ADARB2: variants seen among roughly 807,000 people sequenced by gnomAD.
ADARB2 encodes inactive double-stranded RNA-specific editase B2.
Under a neutral mutation model 62.2 loss-of-function variants are expected in ADARB2, and 25 were observed. The observed-to-expected ratio is 0.40, with a 90% CI of 0.29 to 0.56. The LOEUF is 0.56. Among genes scored for constraint, ADARB2 ranks in the 20% least tolerant of loss-of-function variants. ADARB2 has a pLI of 0.43. For synonymous variants in ADARB2, 572 were observed against 500.8 expected (o/e 1.14, Z -1.90); for missense variants, 1,071 against 1,077.4 (o/e 0.99, Z 0.08).
At chr10:1,325,546 T>C (rs1831836844) in intron 3 of ADARB2, among the ~76,000 whole-genome samples, 2 of 152,194 alleles carry the variant, frequency 1.3e-5, no homozygotes, top group Non-Finnish European at 2.9e-5. Context: ...GGAAGCTGAC[T>C]TCCTCCATAT....
At position 1,426,920 on chromosome 10, in the gene ADARB2, C is replaced by A. The variant is rs1279386553; in HGVS notation, c.101-47760G>T. 6.6e-6 allele frequency among the ~76,000 whole-genome samples: 1 copy of A among 152,270 alleles called. No individual in the cohort carries two copies. The highest frequency in any genetic ancestry group is 1.5e-5 in the Non-Finnish European group (1 of 68,052). Reference sequence around the variant, plus strand: ...AAGCAGTTGTGAAAGAGCCGGAGGACCCCTGTCCCCAAACCCTGCCCATCG... The same window carrying A: ...AAGCAGTTGTGAAAGAGCCGGAGGAACCCTGTCCCCAAACCCTGCCCATCG... On this transcript the variant is annotated intron_variant, in intron 1 of 9. Coordinates refer to ENST00000381312, the MANE Select transcript of ADARB2 (RefSeq NM_018702.4). This position sits in a 1 kb window ranked among gnomAD's most constrained non-coding sequence, Gnocchi z 4.1.
In ADARB2 at chr10:1,391,728, A is replaced by T. The variant is rs544888121; in HGVS notation, c.101-12568T>A. 2.0e-5 allele frequency among the ~76,000 whole-genome samples: 3 copies of T among 151,416 alleles called. No individual in the cohort carries two copies. In the South Asian group the frequency reaches 6.3e-4, roughly 32 times the overall value. On this transcript the variant is annotated intron_variant, in intron 1 of 9. Transcript: ENST00000381312. ...TTGGCTGGAAGTTTCAATAAAAATGATAATAAAATGATAACTGCCAGGATG... is the reference window on the plus strand; with the variant it reads ...TTGGCTGGAAGTTTCAATAAAAATGTTAATAAAATGATAACTGCCAGGATG...
intron 1 of ADARB2, among the ~76,000 whole-genome samples, chr10:1,608,879 C>T (rs1398345014): frequency 6.6e-6 from 1 of 152,070 alleles, no homozygotes; most frequent in African/African-American, 2.4e-5. Context: ...GCATTTCCCT[C>T]CGCATTGCCG....
chr10:1,414,681 T>C (rs1431752691), intron 1 of ADARB2, among the ~76,000 whole-genome samples: 1 of 152,222 alleles, frequency 6.6e-6, no homozygotes, highest in Non-Finnish European at 1.5e-5. Flanking sequence ...GCTTGGGGCC[T>C]TTGCAGCCTC....
intron 1 of ADARB2, among the ~76,000 whole-genome samples, chr10:1,657,512 G>C (rs148524822): frequency 1.5e-3 from 230 of 152,184 alleles, no homozygotes; most frequent in African/African-American, 5.3e-3. Context: ...ACAGATTATG[G>C]AGATAATGCA....
At chr10:1,507,395 C>G (rs1343563833) in intron 1 of ADARB2, among the ~76,000 whole-genome samples, 1 of 152,236 alleles carries the variant, frequency 6.6e-6, no homozygotes, top group African/African-American at 2.4e-5. Context: ...TGCACCTGCC[C>G]CCTTCACCAG....
chr10:1,589,579 G>C (rs1299790879), intron 1 of ADARB2, among the ~76,000 whole-genome samples: 1 of 152,234 alleles, frequency 6.6e-6, no homozygotes, highest in Non-Finnish European at 1.5e-5. Flanking sequence ...CCGCCTCTTT[G>C]GCCTATGCTT....
At chr10:1,430,194 G>C (rs182632977) in intron 1 of ADARB2, among the ~76,000 whole-genome samples, 1 of 152,308 alleles carries the variant, frequency 6.6e-6, no homozygotes, top group Non-Finnish European at 1.5e-5. Flanking sequence ...GTGCAGTGTA[G>C]TTGCATACTG....
At chr10:1,273,452 G>A (rs1004520550) in intron 3 of ADARB2, among the ~76,000 whole-genome samples, 27 of 152,116 alleles carry the variant, frequency 1.8e-4, no homozygotes, top group African/African-American at 6.5e-4. Context: ...CTTCCTTGGT[G>A]CCCAAATCAC....
intron 4 of ADARB2, among the ~76,000 whole-genome samples, chr10:1,262,446 TCAAA>T (rs973196124): frequency 1.8e-4 from 27 of 150,980 alleles, no homozygotes; most frequent in Admixed American, 8.6e-4. Context: ...ACAAGAAAAA[TCAAA>T]CAACCCCATG....
At chr10:1,207,482 A>G (rs1470698228) in intron 7 of ADARB2, among the ~76,000 whole-genome samples, 2 of 152,228 alleles carry the variant, frequency 1.3e-5, no homozygotes, top group Non-Finnish European at 2.9e-5. Flanking sequence ...AACATCACTC[A>G]TTTGACCTCA....
chr10:1,435,592 C>G (rs1323581600), intron 1 of ADARB2, among the ~76,000 whole-genome samples: 1 of 148,616 alleles, frequency 6.7e-6, no homozygotes, highest in Non-Finnish European at 1.5e-5. Flanking sequence ...CTCATCCAAA[C>G]TGTGGCCGCC....
intron 1 of ADARB2, among the ~76,000 whole-genome samples, chr10:1,510,121 T>TTTCTTTCTTTCTTTCTTTC (rs1564312547): frequency 3.4e-4 from 39 of 115,750 alleles, no homozygotes; most frequent in Middle Eastern, 8.2e-3. Flanking sequence ...TCTTTCTTTC[T>TTTCTTTCTTTCTTTCTTTC]TTCTTTCTTT....
intron 1 of ADARB2, among the ~76,000 whole-genome samples, chr10:1,591,400 G>C (rs111777679): frequency 6.6e-6 from 1 of 151,940 alleles, no homozygotes; most frequent in Non-Finnish European, 1.5e-5. Flanking sequence ...AAAAGGGTTC[G>C]CTGCTGAGGG....
intron 1 of ADARB2, among the ~76,000 whole-genome samples, chr10:1,732,328 A>AAAAC (rs1554739400): frequency 0.014 from 2,007 of 146,828 alleles, 23 homozygotes; most frequent in Middle Eastern, 0.043. Flanking sequence ...AAAAAAAAAA[A>AAAAC]AATTTCCTTT....
At chr10:1,193,716 T>G (rs1311042654) in intron 8 of ADARB2, among the ~76,000 whole-genome samples, 1 of 152,238 alleles carries the variant, frequency 6.6e-6, no homozygotes, top group Non-Finnish European at 1.5e-5. Flanking sequence ...TGCTTTTTCT[T>G]GATATCAGAT....
intron 1 of ADARB2, among the ~76,000 whole-genome samples, chr10:1,464,746 CGCTGGGGGCAGTCACAGCGGGCAGCGT>C (rs1831230705): frequency 3.8e-5 from 5 of 132,208 alleles, no homozygotes; most frequent in African/African-American, 5.7e-5. Context: ...CCCACACACG[CGCTGGGGGCAGTCACAGCGGGCAGCGT>C]GCTGGAGAAG....
At chr10:1,482,430 A>G (rs1009061746) in intron 1 of ADARB2, among the ~76,000 whole-genome samples, 2 of 152,216 alleles carry the variant, frequency 1.3e-5, no homozygotes, top group Non-Finnish European at 2.9e-5. Context: ...CCGGCCATGA[A>G]AGGACAAATC....
rs528379047 is a variant in ADARB2, at chr10:1,638,535, C to T, written c.100+98516G>A. 4.0e-5 allele frequency among the ~76,000 whole-genome samples: 6 copies of T among 151,156 alleles called. No individual in the cohort carries two copies. In the South Asian group the frequency reaches 8.4e-4, roughly 21 times the overall value. Reference sequence around the variant, plus strand: ...TTTTTTTTGGTCAGGCCAATTATAGCGAAGGATACATATTTCAGGTGAACC... The same window carrying T: ...TTTTTTTTGGTCAGGCCAATTATAGTGAAGGATACATATTTCAGGTGAACC... On this transcript the variant is annotated intron_variant, in intron 1 of 9. Coordinates refer to ENST00000381312, the MANE Select transcript of ADARB2 (RefSeq NM_018702.4).
Sources: gnomAD v4.1 joint callset for allele counts (sites outside exome capture counted in the v4.1 genomes callset) on GRCh38, gnomAD v4.1.1 for gene constraint, Gnocchi (gnomAD v3.1) non-coding constraint, MANE v1.5 for transcripts, NCBI Gene and HGNC (gene_info 2026-07-23, HGNC 2026-07-21) for gene names.